KCND2: variants seen among roughly 807,000 people sequenced by gnomAD.
The protein encoded by KCND2 is A-type voltage-gated potassium channel KCND2.
A neutral mutation model predicts 54.4 loss-of-function variants in KCND2; 16 were observed. The observed-to-expected ratio is 0.29, with a 90% CI of 0.20 to 0.45. KCND2 has a LOEUF of 0.45. KCND2 is among the 20% of genes least tolerant of loss of function. The probability of loss-of-function intolerance (pLI) is 1.00; values close to 1 mark genes in which losing one functional copy is unlikely to be tolerated. For synonymous variants in KCND2, 317 were observed against 310.7 expected, an observed-to-expected ratio of 1.02 and a Z score of -0.21; for missense variants, 486 against 824.2, an observed-to-expected ratio of 0.59 and a Z score of 5.02.
intron 1 of KCND2, among the ~76,000 whole-genome samples, chr7:120,671,324 T>C (rs1387542599): frequency 2.0e-5 from 3 of 152,072 alleles, no homozygotes; most frequent in African/African-American, 7.2e-5. Flanking sequence ...AATCTAATGC[T>C]GTTTCTGATT....
chr7:120,401,622 A>G (rs10216253), intron 1 of KCND2, among the ~76,000 whole-genome samples: 48,959 of 151,788 alleles, frequency 0.32, 10,906 homozygotes, highest in African/African-American at 0.62. Context: ...TATTAGAAAT[A>G]TTACTGTGTT....
intron 1 of KCND2, among the ~76,000 whole-genome samples, chr7:120,710,820 A>G (rs1792528350): frequency 6.6e-6 from 1 of 152,172 alleles, no homozygotes; most frequent in Non-Finnish European, 1.5e-5. Context: ...GGGCTGGCAA[A>G]GCATGCATTC....
chr7:120,678,525 C>A (rs1320684848), intron 1 of KCND2, among the ~76,000 whole-genome samples: 2 of 146,502 alleles, frequency 1.4e-5, no homozygotes, highest in Non-Finnish European at 3.0e-5. Context: ...CATACATACA[C>A]ATAAATATAC....
rs148585947 is a variant in KCND2, at chr7:120,303,705, T to C, written c.1115+27958T>C. On this transcript the variant is annotated intron_variant, in intron 1 of 5. Coordinates refer to ENST00000331113, the MANE Select transcript of KCND2 (RefSeq NM_012281.3). ...ACAAATTAAATCTTTGCTCTCCTAA[T>C]CATCCTTATGTGGGTGAAAGAGAGA... is the stretch of plus-strand genomic sequence containing the variant. Among the ~76,000 whole-genome samples, 112 of 152,276 alleles carry C rather than the reference T, an allele frequency of 7.4e-4. 2 individuals carry two copies. The Middle Eastern group carries it at 0.024, about 32-fold the overall frequency.
chr7:120,441,750 A>G (rs1801948158), intron 1 of KCND2, among the ~76,000 whole-genome samples: 1 of 152,094 alleles, frequency 6.6e-6, no homozygotes, highest in Non-Finnish European at 1.5e-5. Flanking sequence ...TTAATAGGGA[A>G]ATATGACTGT....
intron 1 of KCND2, among the ~76,000 whole-genome samples, chr7:120,648,192 G>A (rs908971751): frequency 3.9e-5 from 6 of 152,032 alleles, no homozygotes; most frequent in Non-Finnish European, 7.4e-5. Context: ...ATGGCACATA[G>A]TAGAGACAAA....
chr7:120,539,570 A>C (rs1231366895), intron 1 of KCND2, among the ~76,000 whole-genome samples: 1 of 152,192 alleles, frequency 6.6e-6, no homozygotes, highest in Non-Finnish European at 1.5e-5. Flanking sequence ...TGACTCAAGC[A>C]TTTCACAAAC....
chr7:120,471,339 G>T (rs544519752), intron 1 of KCND2, among the ~76,000 whole-genome samples: 3 of 152,212 alleles, frequency 2.0e-5, no homozygotes, highest in African/African-American at 4.8e-5. Flanking sequence ...TGTGGCAGAT[G>T]TGCAAACAGC....
At chr7:120,699,086 C>A (rs1203468964) in intron 1 of KCND2, among the ~76,000 whole-genome samples, 1 of 152,020 alleles carries the variant, frequency 6.6e-6, no homozygotes, top group Non-Finnish European at 1.5e-5. Flanking sequence ...CGAGACCAAC[C>A]TGGCTAACAC....
intron 1 of KCND2, among the ~76,000 whole-genome samples, chr7:120,351,901 T>A (rs1226232664): frequency 6.6e-6 from 1 of 151,712 alleles, no homozygotes; most frequent in East Asian, 1.9e-4. Context: ...AACCTCTGCC[T>A]CCCGGGTTCA....
chr7:120,332,931 C>G (rs1800089346), intron 1 of KCND2, among the ~76,000 whole-genome samples: 1 of 152,068 alleles, frequency 6.6e-6, no homozygotes, highest in Admixed American at 6.5e-5. Context: ...AGATAATAGA[C>G]TTATTTAACC....
chr7:120,294,231 T>C (rs1416932171), intron 1 of KCND2, among the ~76,000 whole-genome samples: 1 of 151,988 alleles, frequency 6.6e-6, no homozygotes, highest in East Asian at 1.9e-4. Context: ...AAATAATACA[T>C]GACTGGTTAA....
At chr7:120,556,769 C>T (rs1272335443) in intron 1 of KCND2, among the ~76,000 whole-genome samples, 4 of 152,088 alleles carry the variant, frequency 2.6e-5, no homozygotes, top group African/African-American at 4.8e-5. Flanking sequence ...ATGACCTAGA[C>T]TTACAATATT....
chr7:120,293,894 A>G (rs944798593), intron 1 of KCND2, among the ~76,000 whole-genome samples: 2 of 151,936 alleles, frequency 1.3e-5, no homozygotes, highest in East Asian at 1.9e-4. Flanking sequence ...TGTAATGTCA[A>G]CTGTGAGTCT....
chr7:120,678,592 CATAT>C lies in KCND2; in HGVS notation c.1116-54305_1116-54302del, dbSNP rs535548132. On this transcript the variant is annotated intron_variant, in intron 1 of 5. Transcript: ENST00000331113. ...ATATACATTTACAGTTCATTACACACATATATATACACATACACACATATATACA... is the reference window on the plus strand; with the variant it reads ...ATATACATTTACAGTTCATTACACACATATACACATACACACATATATACA... Among the ~76,000 whole-genome samples, 358 of 147,368 alleles carry C rather than the reference CATAT, an allele frequency of 2.4e-3. 1 individual carries two copies. Among genetic ancestry groups the C allele is most frequent in the African/African-American group, 8.1e-3 (331 of 40,668 alleles).
chr7:120,481,935 G>A (rs2116281553), intron 1 of KCND2, among the ~76,000 whole-genome samples: 1 of 152,252 alleles, frequency 6.6e-6, no homozygotes, highest in South Asian at 2.1e-4. Flanking sequence ...ATTCTCATTA[G>A]GGTAAAACTC....
intron 1 of KCND2, among the ~76,000 whole-genome samples, chr7:120,477,503 G>A (rs1286956744): frequency 6.6e-6 from 1 of 152,098 alleles, no homozygotes; most frequent in Non-Finnish European, 1.5e-5. Context: ...AAAATCTATT[G>A]TAAAAAATTA....
intron 1 of KCND2, among the ~76,000 whole-genome samples, chr7:120,284,502 A>C (rs531774889): frequency 6.6e-6 from 1 of 152,296 alleles, no homozygotes; most frequent in African/African-American, 2.4e-5. Flanking sequence ...TTCTTAAATT[A>C]GATCAACCTA....
intron 1 of KCND2, among the ~76,000 whole-genome samples, chr7:120,316,145 T>G (rs2116322731): frequency 6.6e-6 from 1 of 152,316 alleles, no homozygotes; most frequent in Non-Finnish European, 1.5e-5. Context: ...TATCTTCCAT[T>G]TTAGAAACCT....
Sources: gnomAD v4.1 joint callset for allele counts (sites outside exome capture counted in the v4.1 genomes callset) on GRCh38, gnomAD v4.1.1 for gene constraint, MANE v1.5 for transcripts, NCBI Gene and HGNC (gene_info 2026-07-23, HGNC 2026-07-21) for gene names.